The following SOX5 variants were observed in gnomAD, a reference collection of about 807,000 sequenced individuals.
The protein encoded by SOX5 is transcription factor SOX-5.
Under a neutral mutation model 92.0 loss-of-function variants are expected in SOX5, and 9 were observed. The ratio of observed to expected loss-of-function variants is 0.10; its 90% confidence interval spans 0.06 to 0.17. The LOEUF is 0.17. SOX5 is among the 10% of genes least tolerant of loss of function. The pLI is 1.00. For missense variants in SOX5, 642 were observed against 944.5 expected (o/e 0.68, Z 4.20); for synonymous variants, 344 against 336.3 (o/e 1.02, Z -0.25).
At chr12:23,970,734 T>C (rs1948126948) in intron 4 of SOX5, among the ~76,000 whole-genome samples, 2 of 147,474 alleles carry the variant, frequency 1.4e-5, no homozygotes, top group South Asian at 4.4e-4. Flanking sequence ...TTGTGAACCG[T>C]GCTGCAATGA....
chr12:23,567,467 T>A (rs1856425525), intron 10 of SOX5, among the ~76,000 whole-genome samples: 1 of 146,636 alleles, frequency 6.8e-6, no homozygotes, highest in South Asian at 2.2e-4. Context: ...TGATTTGATT[T>A]TTTTTTTTTT....
intron 4 of SOX5, among the ~76,000 whole-genome samples, chr12:24,038,395 A>T (rs1165610851): frequency 6.6e-6 from 1 of 152,106 alleles, no homozygotes; most frequent in Non-Finnish European, 1.5e-5. Flanking sequence ...ATTCCCAGTG[A>T]CCCATAGAAC....
chr12:23,658,828 G>A (rs60449712), intron 7 of SOX5, among the ~76,000 whole-genome samples: 1 of 152,188 alleles, frequency 6.6e-6, no homozygotes, highest in East Asian at 1.9e-4. Flanking sequence ...AGGAGGCGGA[G>A]CTTGCAGTGA....
chr12:24,339,415 G>A (rs1034942672), intron 2 of SOX5, among the ~76,000 whole-genome samples: 4 of 152,236 alleles, frequency 2.6e-5, no homozygotes, highest in South Asian at 2.1e-4. Context: ...AAGGCCTGCA[G>A]GTGAGAGGGG....
intron 4 of SOX5, among the ~76,000 whole-genome samples, chr12:24,208,771 T>C (rs12311986): frequency 0.047 from 7,124 of 152,312 alleles, 165 homozygotes; most frequent in South Asian, 0.068. Context: ...AAGACAGGTT[T>C]ACTTCCAAGT....
intron 4 of SOX5, among the ~76,000 whole-genome samples, chr12:24,198,796 T>C (rs1434988617): frequency 6.6e-6 from 1 of 152,222 alleles, no homozygotes; most frequent in African/African-American, 2.4e-5. Context: ...CATGCTAGTA[T>C]GAGGTCACTA....
intron 3 of SOX5, among the ~76,000 whole-genome samples, chr12:23,761,295 TTAAAAC>T (rs981193065): frequency 4.3e-4 from 66 of 152,262 alleles, no homozygotes; most frequent in African/African-American, 1.5e-3. Context: ...GTTTGGCTAC[TTAAAAC>T]TAAAACAACA....
chr12:24,327,740 C>T (rs1353548218), intron 2 of SOX5, among the ~76,000 whole-genome samples: 3 of 151,956 alleles, frequency 2.0e-5, no homozygotes, highest in South Asian at 2.1e-4. Flanking sequence ...CCTGCCACCA[C>T]GCCCGGCTAA....
intron 2 of SOX5, among the ~76,000 whole-genome samples, chr12:24,312,975 A>C (rs1170882357): frequency 6.6e-6 from 1 of 152,054 alleles, no homozygotes; most frequent in Non-Finnish European, 1.5e-5. Flanking sequence ...ATTTTTCTCT[A>C]TTTTTGTCAG....
intron 4 of SOX5, chr12:24,212,441 C>G (rs771465397): frequency 1.9e-6 from 1 of 533,886 alleles, no homozygotes; most frequent in Non-Finnish European, 3.8e-6. Flanking sequence ...TACAGAAGAC[C>G]TGGATGTGTA....
chr12:23,578,849 G>A (rs1172740600), intron 9 of SOX5, among the ~76,000 whole-genome samples: 2 of 152,032 alleles, frequency 1.3e-5, no homozygotes, highest in Admixed American at 1.3e-4. Flanking sequence ...ACTTCTTTTT[G>A]ACATCATCAT....
At chr12:23,821,215 G>T (rs1193909261) in intron 3 of SOX5, among the ~76,000 whole-genome samples, 1 of 152,088 alleles carries the variant, frequency 6.6e-6, no homozygotes, top group Non-Finnish European at 1.5e-5. Context: ...TCATGATTTG[G>T]ATCTCTTTTT....
chr12:24,120,476 G>T (rs1031387193), intron 4 of SOX5, among the ~76,000 whole-genome samples: 14 of 152,094 alleles, frequency 9.2e-5, no homozygotes, highest in Non-Finnish European at 2.1e-4. Flanking sequence ...TTGGTATCTA[G>T]AACATACATT....
At chr12:23,573,866 G>T (rs777356674) in intron 10 of SOX5, among the ~76,000 whole-genome samples, 35 of 152,072 alleles carry the variant, frequency 2.3e-4, no homozygotes, top group African/African-American at 8.4e-4. Context: ...GCAAAGAACC[G>T]AGACCACCAG....
At chr12:24,055,895 C>A (rs1958047646) in intron 4 of SOX5, among the ~76,000 whole-genome samples, 1 of 152,108 alleles carries the variant, frequency 6.6e-6, no homozygotes, top group Non-Finnish European at 1.5e-5. Context: ...GTGGCTGACC[C>A]TCCATGAAGC....
intron 2 of SOX5, among the ~76,000 whole-genome samples, chr12:24,351,502 G>C (rs1954079714): frequency 6.6e-6 from 1 of 152,222 alleles, no homozygotes; most frequent in South Asian, 2.1e-4. Flanking sequence ...ATCATTAGCA[G>C]TTTGTAGAGA....
chr12:23,641,115 A>G (rs1454506906), intron 7 of SOX5, among the ~76,000 whole-genome samples: 1 of 152,264 alleles, frequency 6.6e-6, no homozygotes, highest in East Asian at 1.9e-4. Context: ...CGGAAACCTC[A>G]TCCTTTTTTC....
intron 11 of SOX5, among the ~76,000 whole-genome samples, chr12:23,558,833 C>T (rs1409007748): frequency 6.6e-6 from 1 of 152,134 alleles, no homozygotes; most frequent in East Asian, 1.9e-4. Flanking sequence ...AAACTCCTGA[C>T]CTCAGGTGAT....
At chr12:24,261,480 C>A (rs59580702) in intron 3 of SOX5, among the ~76,000 whole-genome samples, 3,176 of 152,204 alleles carry the variant, frequency 0.021, 116 homozygotes, top group African/African-American at 0.073. Flanking sequence ...ATTCGAAAAT[C>A]CACTCCCACC....
Sources: gnomAD v4.1 joint callset for allele counts (sites outside exome capture counted in the v4.1 genomes callset) on GRCh38, gnomAD v4.1.1 for gene constraint, MANE v1.5 for transcripts, NCBI Gene and HGNC (gene_info 2026-07-23, HGNC 2026-07-21) for gene names.